Variants in DCAF17 observed in about 807,000 individuals in gnomAD.
The protein encoded by DCAF17 is DDB1 and CUL4 associated factor 17.
DCAF17 carries 48 observed loss-of-function variants against 66.0 expected under a neutral mutation model. The observed-to-expected ratio is 0.73, with a 90% confidence interval of 0.58 to 0.92. DCAF17 has a LOEUF of 0.92. Ranked by LOEUF, DCAF17 falls within the 40% of genes least tolerant of loss-of-function variation. The pLI is 0.00. For missense variants in DCAF17, 562 were observed against 622.8 expected (o/e 0.90, Z 1.04); for synonymous variants, 206 against 214.6 (o/e 0.96, Z 0.35).
chr2:171,449,009 CT>C (rs1232925302), intron 4 of DCAF17, among the ~76,000 whole-genome samples, 192 bp downstream of exon 4: 3 of 148,928 alleles, frequency 2.0e-5, no homozygotes, highest in South Asian at 2.1e-4. Context: ...TATCATTTGT[CT>C]TTTTTTTTTC....
intron 8 of DCAF17, among the ~76,000 whole-genome samples, chr2:171,467,440 G>A (rs1695969766): frequency 1.3e-5 from 2 of 152,190 alleles, no homozygotes; most frequent in East Asian, 1.9e-4. Context: ...TGTAATCCAA[G>A]CACTTTGGGA....
intron 8 of DCAF17, among the ~76,000 whole-genome samples, chr2:171,467,133 C>T (rs1300130806): frequency 6.6e-6 from 1 of 151,846 alleles, no homozygotes; most frequent in Non-Finnish European, 1.5e-5. Context: ...AAAGTTGACC[C>T]TTTACACAGG....
chr2:171,482,119 A>G lies in DCAF17; in HGVS notation c.*1005A>G, dbSNP rs73976168. The G allele has an allele frequency of 5.9e-3, 2,668 of 448,928 alleles. 66 individuals carry two copies. The highest frequency in any genetic ancestry group is 0.049 in the African/African-American group (2,433 of 49,762). The allele number at this position is 448,928 out of a possible 1,614,324, so 27.8% of individuals were successfully genotyped here. On this transcript the variant is annotated 3_prime_UTR_variant, in exon 14 of 14. Coordinates refer to ENST00000375255, the MANE Select transcript of DCAF17 (RefSeq NM_025000.4). ...ATCTAAATATGGTCCTTGACTTTTA[A>G]TAATCATTCTTTAGAATGTTAAATA...
At chr2:171,435,976 C>T (rs1693906838) in intron 2 of DCAF17, among the ~76,000 whole-genome samples, 1 of 152,178 alleles carries the variant, frequency 6.6e-6, no homozygotes, top group Non-Finnish European at 1.5e-5. Context: ...TACCTTTAAG[C>T]AGTCACCTCA....
intron 12 of DCAF17, 121 bp downstream of exon 12, chr2:171,478,191 T>A: frequency 1.2e-6 from 1 of 803,798 alleles, no homozygotes; most frequent in Non-Finnish European, 2.2e-6. Context: ...GGCAGGCCAG[T>A]TGGGTGGGGT....
In DCAF17 at chr2:171,458,596, C is replaced by T. The variant is rs1166222543; in HGVS notation, c.838+119C>T. 5 of 779,422 alleles carry T rather than the reference C, an allele frequency of 6.4e-6. No homozygotes were observed. In the African/African-American group the frequency reaches 7.0e-5, roughly 11 times the overall value. The allele number at this position is 779,422 out of a possible 1,614,324, so 48.3% of individuals were successfully genotyped here. On this transcript the variant is annotated intron_variant, in intron 8 of 13. Transcript: ENST00000375255. ...TATTTAAAAAACTCAATTCATTTTA[C>T]TCCTATACATCATGTGCCTTGCTAT...
chr2:171,479,672 G>A lies in DCAF17; in HGVS notation c.1267-366G>A, dbSNP rs370768341. On this transcript the variant is annotated intron_variant, in intron 12 of 13. Transcript: ENST00000375255. Reference sequence around the variant, plus strand: ...TTTAGGTTTCAGAACCGAGCTTCATGTGTTTAGTCCTGTCCAGGAATCAGC... The same window carrying A: ...TTTAGGTTTCAGAACCGAGCTTCATATGTTTAGTCCTGTCCAGGAATCAGC... 65 of 254,474 alleles carry A rather than the reference G, an allele frequency of 2.6e-4. No homozygotes were observed. The East Asian group carries it at 4.4e-3, about 17-fold the overall frequency. 15.8% of individuals were successfully genotyped at this position (254,474 alleles called of 1,614,324 possible). A position where few individuals can be genotyped will look rare whatever the true frequency, so the allele number is the denominator to read the frequency against.
In DCAF17 at chr2:171,482,520, G is replaced by A. The variant is rs775518305; in HGVS notation, c.*1406G>A. ...ACTTACATCTTGAAAAACAAGACCA[G>A]TAAGAGGCCAGTGAAAGTACTAAAG... On this transcript the variant is annotated 3_prime_UTR_variant, in exon 14 of 14. Transcript: ENST00000375255. 1 of 454,052 alleles carries A rather than the reference G, an allele frequency of 2.2e-6. No individual in the cohort carries two copies. The highest frequency in any genetic ancestry group is 1.6e-5 in the South Asian group (1 of 64,468). 28.1% of individuals were successfully genotyped at this position (454,052 alleles called of 1,614,324 possible).
chr2:171,471,434 A>G (rs1452351239), intron 9 of DCAF17, among the ~76,000 whole-genome samples: 3 of 152,230 alleles, frequency 2.0e-5, no homozygotes, highest in African/African-American at 7.2e-5. Context: ...CTTTTTTTGC[A>G]TATTTTAATT....
chr2:171,483,239 C>T lies in DCAF17; in HGVS notation c.*2125C>T. 1 of 454,112 alleles carries T rather than the reference C, an allele frequency of 2.2e-6. No homozygotes were observed. Among genetic ancestry groups the T allele is most frequent in the Non-Finnish European group, 4.4e-6 (1 of 226,784 alleles). 28.1% of individuals were successfully genotyped at this position (454,112 alleles called of 1,614,324 possible). A position where few individuals can be genotyped will look rare whatever the true frequency, so the allele number is the denominator to read the frequency against. On this transcript the variant is annotated 3_prime_UTR_variant, in exon 14 of 14. Transcript: ENST00000375255. The stretch of plus-strand genomic sequence containing the variant: ...CAGACATTAATGTCTTCCTGCCCTA[C>T]CTAAACCCCCTCTTTACCTGATATT...
At chr2:171,460,074 C>T (rs901644642) in intron 8 of DCAF17, among the ~76,000 whole-genome samples, 3 of 151,126 alleles carry the variant, frequency 2.0e-5, no homozygotes, top group African/African-American at 7.4e-5. Flanking sequence ...ACTGTAATTC[C>T]AGCACTTTGG....
At chr2:171,448,523 T>C (rs1421436823) in intron 3 of DCAF17, among the ~76,000 whole-genome samples, 158 bp from the exon 4 acceptor site, 1 of 152,256 alleles carries the variant, frequency 6.6e-6, no homozygotes, top group Non-Finnish European at 1.5e-5. Flanking sequence ...CACAATCTTA[T>C]CTTTCCTTGT....
In DCAF17 at chr2:171,483,528, A is replaced by G. The variant is rs1166648972; in HGVS notation, c.*2414A>G. The G allele has an allele frequency of 1.3e-5, 6 of 454,130 alleles. No individual in the cohort carries two copies. The Admixed American group carries it at 1.4e-4, about 11-fold the overall frequency. The allele number at this position is 454,130 out of a possible 1,614,324, so 28.1% of individuals were successfully genotyped here. ...AATATTTATCACAACTCTGGGAGAA[A>G]ACAAAACAAATCCTATCCTATTTAC... On this transcript the variant is annotated 3_prime_UTR_variant, in exon 14 of 14. Transcript: ENST00000375255.
rs781042836 is a variant in DCAF17, at chr2:171,434,264, T to C, written c.-314T>C. On this transcript the variant is annotated 5_prime_UTR_variant, in exon 1 of 14. Coordinates refer to ENST00000375255, the MANE Select transcript of DCAF17 (RefSeq NM_025000.4). ...GCCTCACGAGGCACTAGGAACTACA[T>C]TTCCCGGTGAGAGAGCGGCTCCGGC... 4 of 520,756 alleles carry C rather than the reference T, an allele frequency of 7.7e-6. No individual in the cohort carries two copies. Among genetic ancestry groups the C allele is most frequent in the East Asian group, 4.9e-5 (1 of 20,294 alleles). The allele number at this position is 520,756 out of a possible 1,614,324, so 32.3% of individuals were successfully genotyped here. A position where few individuals can be genotyped will look rare whatever the true frequency, so the allele number is the denominator to read the frequency against.
At chr2:171,468,737 C>T (rs959961287) in intron 8 of DCAF17, 151 bp from the exon 9 acceptor site, 16 of 1,079,248 alleles carry the variant, frequency 1.5e-5, no homozygotes, top group Admixed American at 2.1e-5. Context: ...AAACTCCTTA[C>T]CTGATTGTAT....
intron 8 of DCAF17, among the ~76,000 whole-genome samples, chr2:171,465,583 A>C (rs1172604144): frequency 6.6e-6 from 1 of 152,080 alleles, no homozygotes; most frequent in Admixed American, 6.6e-5. Flanking sequence ...CCTTGGTTCA[A>C]CCAATTCTGC....
chr2:171,478,107 G>A, intron 12 of DCAF17, 37 bp downstream of exon 12: 1 of 1,528,968 alleles, frequency 6.5e-7, no homozygotes, highest in Non-Finnish European at 9.1e-7. Context: ...CCAAACCAGT[G>A]TGTCCTTGCA....
chr2:171,474,968 G>C (rs1388180542), intron 10 of DCAF17, among the ~76,000 whole-genome samples: 1 of 152,192 alleles, frequency 6.6e-6, no homozygotes, highest in African/African-American at 2.4e-5. Flanking sequence ...TGATTTTTAA[G>C]AACATGAAGA....
rs1053469636 is a variant in DCAF17, at chr2:171,484,951, A to G, written c.*3837A>G. 6.6e-6 allele frequency: 3 copies of G among 454,072 alleles called. No individual in the cohort carries two copies. The highest frequency in any genetic ancestry group is 8.8e-6 in the Non-Finnish European group (2 of 226,788). 28.1% of individuals were successfully genotyped at this position (454,072 alleles called of 1,614,324 possible). On this transcript the variant is annotated 3_prime_UTR_variant, in exon 14 of 14. Coordinates refer to ENST00000375255, the MANE Select transcript of DCAF17 (RefSeq NM_025000.4). ...TTGCTGAGTATTCTTTCGTATGAAT[A>G]TATCACAGTTTGTTTTTTTATCTTT...
Sources: gnomAD v4.1 joint callset for allele counts (sites outside exome capture counted in the v4.1 genomes callset) on GRCh38, gnomAD v4.1.1 for gene constraint, MANE v1.5 for transcripts, NCBI Gene and HGNC (gene_info 2026-07-23, HGNC 2026-07-21) for gene names.